The following CDC14B variants were observed in gnomAD, a reference collection of about 807,000 sequenced individuals.
CDC14B encodes cell division cycle 14B.
A neutral mutation model predicts 64.2 loss-of-function variants in CDC14B; 22 were observed. The observed-to-expected ratio is 0.34, with a 90% CI of 0.24 to 0.49. CDC14B has a LOEUF of 0.49. Ranked by LOEUF, CDC14B falls within the 20% of genes least tolerant of loss-of-function variation. The pLI is 0.99. For missense variants in CDC14B, 498 were observed against 629.9 expected (o/e 0.79, Z 2.24); for synonymous variants, 191 against 215.8 (o/e 0.89, Z 1.01).
intron 4 of CDC14B, among the ~76,000 whole-genome samples, chr9:96,560,512 G>C (rs557705784): frequency 1.3e-5 from 2 of 151,370 alleles, no homozygotes; most frequent in African/African-American, 2.4e-5. Context: ...AGGACCAAAT[G>C]TCCCAGTTAA....
chr9:96,618,567 C>T (rs200723556), intron 1 of CDC14B: 101 of 533,334 alleles, frequency 1.9e-4, no homozygotes, highest in Non-Finnish European at 3.3e-4. Flanking sequence ...TCGAATGCCA[C>T]CAACGTGACA....
chr9:96,558,654 ATTT>A (rs1329306918), intron 4 of CDC14B, among the ~76,000 whole-genome samples: 1 of 152,190 alleles, frequency 6.6e-6, no homozygotes, highest in East Asian at 1.9e-4. Flanking sequence ...TTCCAAAAGG[ATTT>A]TTATTATGAA....
chr9:96,555,529 G>T (rs890531400), intron 4 of CDC14B, among the ~76,000 whole-genome samples: 1 of 152,204 alleles, frequency 6.6e-6, no homozygotes, highest in African/African-American at 2.4e-5. Flanking sequence ...GTTGTTTTAG[G>T]TCACAAAGTT....
chr9:96,581,091 A>T (rs13283895), intron 1 of CDC14B, among the ~76,000 whole-genome samples: 5,425 of 152,084 alleles, frequency 0.036, 145 homozygotes, highest in Non-Finnish European at 0.055. Flanking sequence ...TTAGCCAGGC[A>T]TGGTGGCGCG....
At chr9:96,528,063 C>T (rs1210723803) in intron 9 of CDC14B, among the ~76,000 whole-genome samples, 6 of 152,180 alleles carry the variant, frequency 3.9e-5, no homozygotes, top group African/African-American at 1.4e-4. Flanking sequence ...CTAAATTGGC[C>T]TAATATCTTT....
intron 12 of CDC14B, among the ~76,000 whole-genome samples, chr9:96,511,338 C>T (rs1316224209): frequency 2.6e-5 from 4 of 152,198 alleles, no homozygotes; most frequent in South Asian, 2.1e-4. Flanking sequence ...TTTGAGAGGC[C>T]GAGGTGGTTG....
Position 96,515,901 on chromosome 9 carries a change from C to A in CDC14B, c.1344-6112G>T. The stretch of plus-strand genomic sequence containing the variant: ...ATGTGAATTTTAGACACCCTAAAAG[C>A]CCAGCCAACAGCAACAGGGATACAA... On this transcript the variant is annotated intron_variant, in intron 12 of 13. Coordinates refer to ENST00000375241, the MANE Select transcript of CDC14B (RefSeq NM_033331.4). This position sits in a 1 kb window ranked among gnomAD's most constrained non-coding sequence, Gnocchi z 4.3. The A allele has an allele frequency of 1.0e-6, 1 of 980,674 alleles. No homozygotes were observed. Among genetic ancestry groups the A allele is most frequent in the South Asian group, 2.1e-5 (1 of 48,234 alleles). The allele number at this position is 980,674 out of a possible 1,614,324, so 60.7% of individuals were successfully genotyped here. A position where few individuals can be genotyped will look rare whatever the true frequency, so the allele number is the denominator to read the frequency against.
rs189592370 is a variant in CDC14B at position 96,546,143 on chromosome 9, G to T, written c.498-4251C>A. Among the ~76,000 whole-genome samples the T allele has an allele frequency of 3.3e-5, 5 of 152,226 alleles. No homozygotes were observed. The East Asian group carries it at 9.6e-4, about 29-fold the overall frequency. Reference sequence around the variant, plus strand: ...CGTATTCACCACGGCCAAAAACTACGAATGACCCAAATATCCATCAAAAGG... The same window carrying T: ...CGTATTCACCACGGCCAAAAACTACTAATGACCCAAATATCCATCAAAAGG... On this transcript the variant is annotated intron_variant, in intron 5 of 13. Coordinates refer to ENST00000375241, the MANE Select transcript of CDC14B (RefSeq NM_033331.4).
rs758678876 is a variant in CDC14B at position 96,541,856 on chromosome 9, T to G, written c.534A>C (p.Thr178=). 2.5e-6 allele frequency: 4 copies of G among 1,609,650 alleles called. No individual in the cohort carries two copies. In the Admixed American group the frequency reaches 6.7e-5, roughly 27 times the overall value. The change falls in exon 6 of 14, where the codon ACA becomes ACC. Residue 178 remains threonine, a synonymous_variant. Transcript: ENST00000375241. ...TTACTGCATGAAAACAGTCAAGAAG[T>G]GTAATGTAGAAATTGCAACTTCCAT... ...AAYGSCNFYI[T]LLDCFHAVKK... is the part of the protein sequence containing the mutation.
rs1836908885 is a variant in CDC14B at position 96,522,579 on chromosome 9, C to T, written c.1270G>A (p.Gly424Arg). 1 of 1,612,540 alleles carries T rather than the reference C, an allele frequency of 6.2e-7. No individual in the cohort carries two copies. Among genetic ancestry groups the T allele is most frequent in the South Asian group, 1.1e-5 (1 of 91,058 alleles). The part of the protein sequence containing the change: ...EPYSDDDEIN[G>R]VTQGDRLRAL... ...CGAAGTCTATCACCTTGTGTCACTC[C>T]ATTGATTTCGTCATCATCACTGTAC... The change falls in exon 12 of 14, where the codon GGA (glycine) becomes AGA (arginine). Residue 424 changes from glycine to arginine, a missense_variant. Transcript: ENST00000375241.
intron 9 of CDC14B, among the ~76,000 whole-genome samples, chr9:96,529,081 A>G (rs1173762324): frequency 3.3e-5 from 5 of 152,122 alleles, no homozygotes; most frequent in African/African-American, 1.2e-4. Flanking sequence ...TTGATGCACA[A>G]AAGTTTTAAA....
intron 9 of CDC14B, among the ~76,000 whole-genome samples, chr9:96,527,692 C>T (rs1054209114): frequency 3.9e-5 from 6 of 151,926 alleles, no homozygotes; most frequent in Admixed American, 2.6e-4. Context: ...CTCAGCTCAC[C>T]GCAAGCTCCA....
At chr9:96,618,415 C>G in intron 1 of CDC14B, 1 of 508,614 alleles carries the variant, frequency 2.0e-6, no homozygotes, top group Non-Finnish European at 4.0e-6. Context: ...AACCTAACAG[C>G]TGCCAAATTG....
intron 13 of CDC14B, among the ~76,000 whole-genome samples, chr9:96,504,216 T>G (rs562868607): frequency 1.3e-5 from 2 of 152,012 alleles, no homozygotes; most frequent in South Asian, 4.2e-4. Context: ...CTGGGTTATT[T>G]CAAAAGCCAG....
chr9:96,535,386 A>G (rs1839143782), intron 7 of CDC14B, among the ~76,000 whole-genome samples: 1 of 152,204 alleles, frequency 6.6e-6, no homozygotes, highest in African/African-American at 2.4e-5. Flanking sequence ...GTATACCAAG[A>G]TCACAGTATG....
chr9:96,582,835 C>A (rs1364712066), intron 1 of CDC14B, among the ~76,000 whole-genome samples: 1 of 152,184 alleles, frequency 6.6e-6, no homozygotes, highest in Non-Finnish European at 1.5e-5. Context: ...TTAAATTGAT[C>A]AGGATAGAGA....
chr9:96,539,485 G>T (rs1483220980), intron 6 of CDC14B, among the ~76,000 whole-genome samples: 2 of 151,954 alleles, frequency 1.3e-5, no homozygotes, highest in Non-Finnish European at 2.9e-5. Context: ...TACCACCCCT[G>T]GCTGAAAATT....
At chr9:96,497,957 G>A (rs560770286), downstream of CDC14B, among the ~76,000 whole-genome samples, 1 of 152,168 alleles carries the variant, frequency 6.6e-6, no homozygotes, top group African/African-American at 2.4e-5. Context: ...TACAGCAAAA[G>A]CTTTAACGTC....
intron 2 of CDC14B, among the ~76,000 whole-genome samples, chr9:96,565,141 C>T (rs1231508702): frequency 5.3e-5 from 8 of 151,444 alleles, no homozygotes; most frequent in South Asian, 2.1e-4. Context: ...GGCAAAACCA[C>T]AATATCTTAC....
Sources: gnomAD v4.1 joint callset for allele counts (sites outside exome capture counted in the v4.1 genomes callset) on GRCh38, gnomAD v4.1.1 for gene constraint, Gnocchi (gnomAD v3.1) non-coding constraint, MANE v1.5 for transcripts, NCBI Gene and HGNC (gene_info 2026-07-23, HGNC 2026-07-21) for gene names.